VTA1: variants seen among roughly 807,000 people sequenced by gnomAD.
VTA1 encodes vacuolar protein sorting-associated protein VTA1 homolog.
VTA1 carries 24 observed loss-of-function variants against 36.9 expected under a neutral mutation model. That is an observed-to-expected ratio of 0.65 (90% CI 0.47 to 0.91). VTA1 has a LOEUF of 0.91. VTA1 is among the 40% of genes least tolerant of loss of function. The pLI is 0.00. For missense variants in VTA1, 393 were observed against 377.2 expected (o/e 1.04, Z -0.35); for synonymous variants, 142 against 130.2 (o/e 1.09, Z -0.62).
At chr6:142,198,119 A>ATATATATG (rs1315222547) in intron 5 of VTA1, among the ~76,000 whole-genome samples, 4 of 98,248 alleles carry the variant, frequency 4.1e-5, no homozygotes, top group African/African-American at 6.8e-5. Flanking sequence ...ATATATATAT[A>ATATATATG]TGTGTGTGTG....
Position 142,219,606 on chromosome 6 carries a change from A to C in VTA1, c.*963A>C, listed in dbSNP as rs530760055. 6.6e-6 allele frequency: 1 copy of C among 152,338 alleles called. No individual in the cohort carries two copies. Among genetic ancestry groups the C allele is most frequent in the African/African-American group, 2.4e-5 (1 of 41,594 alleles). The allele number at this position is 152,338 out of a possible 1,614,324, so 9.4% of individuals were successfully genotyped here. ...ATTCGTTTAGCTAATTCAACTTACTACAAAGACAAATGTCTGTTTTTATTT... is the reference window on the plus strand; with the variant it reads ...ATTCGTTTAGCTAATTCAACTTACTCCAAAGACAAATGTCTGTTTTTATTT... On this transcript the variant is annotated 3_prime_UTR_variant, in exon 8 of 8. Coordinates refer to ENST00000367630, the MANE Select transcript of VTA1 (RefSeq NM_016485.5).
At position 142,223,877 on chromosome 6, in the gene VTA1, A is replaced by G. The variant is rs1188971376; in HGVS notation, c.*5234A>G. The G allele has an allele frequency of 6.6e-6, 1 of 152,022 alleles. No homozygotes were observed. Among genetic ancestry groups the G allele is most frequent in the Admixed American group, 6.6e-5 (1 of 15,240 alleles). 9.4% of individuals were successfully genotyped at this position (152,022 alleles called of 1,614,324 possible). A position where few individuals can be genotyped will look rare whatever the true frequency, so the allele number is the denominator to read the frequency against. On this transcript the variant is annotated 3_prime_UTR_variant, in exon 8 of 8. Transcript: ENST00000367630. ...CAGAGAGAAAAGCACAAGCAACACC[A>G]TGGAGGAACAAATGTGGGCAATTCA...
chr6:142,222,741 A>G lies in VTA1; in HGVS notation c.*4098A>G, dbSNP rs953745729. 6.6e-6 allele frequency: 1 copy of G among 151,678 alleles called. No individual in the cohort carries two copies. The highest frequency in any genetic ancestry group is 2.4e-5 in the African/African-American group (1 of 41,092). 9.4% of individuals were successfully genotyped at this position (151,678 alleles called of 1,614,324 possible). On this transcript the variant is annotated 3_prime_UTR_variant, in exon 8 of 8. Transcript: ENST00000367630. ...GAATTCTAAGACTGCAGGCTTGTTC[A>G]TTGGAGTACACTTAAGTAGGACAAA...
At chr6:142,209,873 A>C (rs1449718300) in intron 7 of VTA1, among the ~76,000 whole-genome samples, 1 of 152,130 alleles carries the variant, frequency 6.6e-6, no homozygotes, top group Admixed American at 6.5e-5. Context: ...TCAAAATGCC[A>C]AAGACATTCT....
chr6:142,160,425 T>A (rs1774778347), intron 1 of VTA1, among the ~76,000 whole-genome samples: 1 of 152,368 alleles, frequency 6.6e-6, no homozygotes, highest in African/African-American at 2.4e-5. Context: ...ATGTTAGTAT[T>A]CAGCTGAGTC....
chr6:142,170,956 A>G (rs934203996), intron 4 of VTA1, among the ~76,000 whole-genome samples: 1 of 152,138 alleles, frequency 6.6e-6, no homozygotes, highest in African/African-American at 2.4e-5. Context: ...TCCAGCATGT[A>G]TTTTACACTT....
At chr6:142,172,497 TTTATACTC>T (rs1775046719) in intron 4 of VTA1, among the ~76,000 whole-genome samples, 1 of 152,176 alleles carries the variant, frequency 6.6e-6, no homozygotes, top group African/African-American at 2.4e-5. Context: ...TCTCAGATAT[TTTATACTC>T]TTATACAGAG....
intron 5 of VTA1, among the ~76,000 whole-genome samples, chr6:142,197,901 C>T (rs1381566849): frequency 6.7e-6 from 1 of 148,652 alleles, no homozygotes; most frequent in East Asian, 2.0e-4. Context: ...GGTGAAACCC[C>T]GTCTCTACTA....
intron 5 of VTA1, among the ~76,000 whole-genome samples, chr6:142,195,737 G>A (rs529709506): frequency 6.7e-6 from 1 of 150,226 alleles, no homozygotes; most frequent in South Asian, 2.1e-4. Flanking sequence ...GCAAATTTTG[G>A]TATCACTCAG....
In VTA1 at chr6:142,155,452, C is replaced by T. The variant is rs73777132; in HGVS notation, c.112+8053C>T. 4.5e-3 allele frequency among the ~76,000 whole-genome samples: 682 copies of T among 152,222 alleles called. 2 individuals carry two copies. Among genetic ancestry groups the T allele is most frequent in the African/African-American group, 0.016 (658 of 41,538 alleles). ...GGTTAAGTAAATTATGTTATATCCACTGCATAGAAAGTAATGTAATTGTTT... is the reference window on the plus strand; with the variant it reads ...GGTTAAGTAAATTATGTTATATCCATTGCATAGAAAGTAATGTAATTGTTT... On this transcript the variant is annotated intron_variant, in intron 1 of 7. Transcript: ENST00000367630.
intron 7 of VTA1, among the ~76,000 whole-genome samples, chr6:142,216,503 C>T (rs1582909111): frequency 6.6e-6 from 1 of 152,080 alleles, no homozygotes; most frequent in African/African-American, 2.4e-5. Context: ...TAAATCTGTA[C>T]ATTGGTTGTT....
intron 5 of VTA1, among the ~76,000 whole-genome samples, chr6:142,191,418 T>C (rs1775455061): frequency 6.6e-6 from 1 of 152,142 alleles, no homozygotes; most frequent in Non-Finnish European, 1.5e-5. Flanking sequence ...CCTTTGAAAG[T>C]AGGAAGTGTG....
intron 5 of VTA1, among the ~76,000 whole-genome samples, chr6:142,192,461 A>G (rs1346233838): frequency 1.3e-5 from 2 of 152,122 alleles, no homozygotes; most frequent in African/African-American, 4.8e-5. Flanking sequence ...GATATAAAAA[A>G]AGAACAGTAG....
chr6:142,166,934 C>T (rs1186576171), intron 2 of VTA1, among the ~76,000 whole-genome samples: 2 of 152,134 alleles, frequency 1.3e-5, no homozygotes, highest in Non-Finnish European at 2.9e-5. Context: ...CCGTGAAAAA[C>T]CCTTTCTAAC....
intron 7 of VTA1, among the ~76,000 whole-genome samples, chr6:142,213,869 G>A (rs998497162): frequency 2.0e-5 from 3 of 152,124 alleles, no homozygotes; most frequent in African/African-American, 2.4e-5. Context: ...CTGTGATGGC[G>A]GGGTCTGCTG....
chr6:142,170,330 C>G lies in VTA1; in HGVS notation c.336-16C>G, dbSNP rs763756296. The G allele has an allele frequency of 5.1e-6, 8 of 1,560,416 alleles. No homozygotes were observed. Among genetic ancestry groups the G allele is most frequent in the Non-Finnish European group, 7.0e-6 (8 of 1,141,654 alleles). On this transcript the variant is annotated splice_polypyrimidine_tract_variant and intron_variant, in intron 3 of 7. Coordinates refer to ENST00000367630, the MANE Select transcript of VTA1 (RefSeq NM_016485.5). Reference sequence around the variant, plus strand: ...TGTTTCATATTTAAACTAGACCGCTCTCTTTTCTCTTCCAGAAACATGATC... The same window carrying G: ...TGTTTCATATTTAAACTAGACCGCTGTCTTTTCTCTTCCAGAAACATGATC...
At chr6:142,200,573 C>T (rs1159355199) in intron 6 of VTA1, among the ~76,000 whole-genome samples, 3 of 151,762 alleles carry the variant, frequency 2.0e-5, no homozygotes, top group Admixed American at 6.6e-5. Context: ...TATAGTAGAT[C>T]GATCCATATG....
At chr6:142,181,094 AATAT>A (rs1169535055) in intron 4 of VTA1, among the ~76,000 whole-genome samples, 6 of 36,426 alleles carry the variant, frequency 1.6e-4, no homozygotes, top group Admixed American at 4.0e-4. Flanking sequence ...AAAAAAAAAA[AATAT>A]ATATATATAT....
rs1032147173 is a variant in VTA1 at position 142,180,187 on chromosome 6, C to T, written c.412-9239C>T. Among the ~76,000 whole-genome samples the T allele has an allele frequency of 4.6e-5, 7 of 152,106 alleles. No homozygotes were observed. The East Asian group carries it at 1.2e-3, about 25-fold the overall frequency. On this transcript the variant is annotated intron_variant, in intron 4 of 7. Coordinates refer to ENST00000367630, the MANE Select transcript of VTA1 (RefSeq NM_016485.5). ...ATTCTGCATAAGGAACCAGGACTTTCGTAAAAAGTGCTTAATCTAGGGCTA... is the reference window on the plus strand; with the variant it reads ...ATTCTGCATAAGGAACCAGGACTTTTGTAAAAAGTGCTTAATCTAGGGCTA...
Sources: allele counts gnomAD v4.1 joint callset (sites outside exome capture counted in the v4.1 genomes callset), GRCh38; gene constraint gnomAD v4.1.1; transcripts MANE v1.5; gene names NCBI Gene and HGNC (gene_info 2026-07-23, HGNC 2026-07-21).